MDH1B: variants seen among roughly 807,000 people sequenced by gnomAD.
MDH1B encodes malate dehydrogenase 1B.
MDH1B carries 60 observed loss-of-function variants against 61.4 expected under a neutral mutation model. That is an observed-to-expected ratio of 0.98 (90% CI 0.79 to 1.21). MDH1B has a LOEUF of 1.21. Among genes scored for constraint, MDH1B ranks in the 50% most tolerant of loss-of-function variants. The pLI is 0.00. For synonymous variants in MDH1B, 236 were observed against 218.7 expected, an observed-to-expected ratio of 1.08 and a Z score of -0.70; for missense variants, 587 against 632.1, an observed-to-expected ratio of 0.93 and a Z score of 0.76.
chr2:206,739,690 T>C (rs1273107976), intron 10 of MDH1B, 29 bp from the exon 11 acceptor site: 2 of 1,604,664 alleles, frequency 1.2e-6, no homozygotes, highest in Admixed American at 3.3e-5. Context: ...GAATAGTTTT[T>C]AGTATGTAAA....
intron 1 of MDH1B, among the ~76,000 whole-genome samples, chr2:206,762,652 T>TC (rs1689169891): frequency 6.6e-6 from 1 of 152,186 alleles, no homozygotes; most frequent in African/African-American, 2.4e-5. Context: ...TTGAAAGAGT[T>TC]CCCTATATTT....
intron 9 of MDH1B, among the ~76,000 whole-genome samples, chr2:206,742,437 A>G (rs1487126917): frequency 6.6e-6 from 1 of 152,210 alleles, no homozygotes; most frequent in Non-Finnish European, 1.5e-5. Flanking sequence ...CATACCCAGT[A>G]GTGGCAACAT....
intron 5 of MDH1B, among the ~76,000 whole-genome samples, chr2:206,753,950 G>A (rs1352498831): frequency 1.3e-5 from 2 of 150,716 alleles, no homozygotes; most frequent in Non-Finnish European, 2.9e-5. Context: ...TAGACTTTCT[G>A]AGATAAGTCA....
At chr2:206,761,069 G>C (rs1197515023) in intron 1 of MDH1B, 56 bp from the exon 2 acceptor site, 1 of 920,380 alleles carries the variant, frequency 1.1e-6, no homozygotes, top group Non-Finnish European at 1.7e-6. Context: ...TTATTATGTA[G>C]TTCTAAGTAT....
chr2:206,739,612 C>T lies in MDH1B; in HGVS notation c.1509G>A (p.Gln503=). The T allele has an allele frequency of 6.2e-7, 1 of 1,614,020 alleles. No individual in the cohort carries two copies. The highest frequency in any genetic ancestry group is 1.1e-5 in the South Asian group (1 of 91,076). ...ACCTACCATTTAGGAACTCAAGACT[C>T]TGTGGCTTTTCAAAGGTGGTTTGAG... is the stretch of plus-strand genomic sequence containing the variant. The part of the protein sequence containing the change: ...QIPQTTFEKP[Q]SLEFLNEFEG... The change falls in exon 11 of 12, where the codon CAG becomes CAA. Residue 503 remains glutamine (Q), a synonymous_variant. Coordinates refer to ENST00000374412, the MANE Select transcript of MDH1B (RefSeq NM_001039845.3).
Position 206,757,261 on chromosome 2 carries a change from A to C in MDH1B, c.246T>G (p.Tyr82Ter). Residue 82 changes from tyrosine (Y) to a stop codon, truncating the protein, a stop_gained, in exon 3 of 12, where the codon TAT becomes TAG. Transcript: ENST00000374412. LOFTEE classifies it high-confidence loss of function. ...CCTGAGCATGCTCCAGGAACTCATT[A>C]TATCCTCCCAAAAGCAAACCCTTTC... Reference protein sequence around the residue: ...RGGKGLLLGGYNEFLEHAQLY... With the variant: ...RGGKGLLLGG 2 of 1,613,938 alleles carry C rather than the reference A, an allele frequency of 1.2e-6. No homozygotes were observed. The highest frequency in any genetic ancestry group is 8.5e-7 in the Non-Finnish European group (1 of 1,179,840).
chr2:206,744,681 C>T (rs1202718997), intron 9 of MDH1B, among the ~76,000 whole-genome samples: 1 of 151,850 alleles, frequency 6.6e-6, no homozygotes, highest in East Asian at 1.9e-4. Flanking sequence ...AATCTCATCA[C>T]TTTGGGAGGC....
chr2:206,744,607 T>C (rs1323717855), intron 9 of MDH1B, among the ~76,000 whole-genome samples: 1 of 152,042 alleles, frequency 6.6e-6, no homozygotes, highest in African/African-American at 2.4e-5. Context: ...TCTGGTGTTG[T>C]GAGTTGAATT....
intron 2 of MDH1B, among the ~76,000 whole-genome samples, chr2:206,759,948 C>T (rs1216228552): frequency 6.6e-6 from 1 of 152,212 alleles, no homozygotes; most frequent in African/African-American, 2.4e-5. Context: ...AAGGTGATGA[C>T]TGTCAGTTTG....
At chr2:206,741,907 C>A (rs1283374956) in intron 9 of MDH1B, among the ~76,000 whole-genome samples, 1 of 152,122 alleles carries the variant, frequency 6.6e-6, no homozygotes, top group African/African-American at 2.4e-5. Flanking sequence ...ATGGAGAACA[C>A]TGATAGTCCT....
intron 9 of MDH1B, 21 bp downstream of exon 9, chr2:206,745,601 A>T (rs1688057265): frequency 6.3e-7 from 1 of 1,583,716 alleles, no homozygotes; most frequent in Non-Finnish European, 8.6e-7. Context: ...GTCCAATAAA[A>T]CATCACGTCT....
chr2:206,758,375 A>G (rs1688885015), intron 2 of MDH1B, among the ~76,000 whole-genome samples: 1 of 152,196 alleles, frequency 6.6e-6, no homozygotes, highest in Non-Finnish European at 1.5e-5. Context: ...GAAGACAGGG[A>G]CAACATGTTG....
intron 5 of MDH1B, among the ~76,000 whole-genome samples, chr2:206,754,740 G>A (rs1048883244): frequency 3.3e-5 from 5 of 152,058 alleles, no homozygotes; most frequent in Admixed American, 6.5e-5. Context: ...AATGGAATAC[G>A]ATGTGTCACA....
In MDH1B at chr2:206,765,292, C is replaced by G. The variant is rs374229492; in HGVS notation, c.-21G>C. On this transcript the variant is annotated 5_prime_UTR_variant, in exon 1 of 12. Coordinates refer to ENST00000374412, the MANE Select transcript of MDH1B (RefSeq NM_001039845.3). ...GCCATGGTCGAGAGAGACTCAGAGG[C>G]AGGGACCGCGGCTTCGCGGTTTCCT... 1 of 1,589,530 alleles carries G rather than the reference C, an allele frequency of 6.3e-7. No homozygotes were observed. The highest frequency in any genetic ancestry group is 8.5e-7 in the Non-Finnish European group (1 of 1,171,712).
chr2:206,758,287 G>A (rs1299392340), intron 2 of MDH1B, among the ~76,000 whole-genome samples: 1 of 152,226 alleles, frequency 6.6e-6, no homozygotes, highest in Non-Finnish European at 1.5e-5. Context: ...AGTGGAACAT[G>A]AAGTTAGACA....
chr2:206,759,634 G>A (rs11888576), intron 2 of MDH1B, among the ~76,000 whole-genome samples: 2 of 151,972 alleles, frequency 1.3e-5, no homozygotes, highest in Admixed American at 6.5e-5. Flanking sequence ...TCATTCTGAC[G>A]GGTATGAGAT....
In MDH1B at chr2:206,746,344, G is replaced by C. The variant is rs1187269359; in HGVS notation, c.1299C>G (p.Leu433=). The C allele has an allele frequency of 3.1e-6, 5 of 1,613,638 alleles. No individual in the cohort carries two copies. Among genetic ancestry groups the C allele is most frequent in the African/African-American group, 2.7e-5 (2 of 74,852 alleles). Reference sequence around the variant, plus strand: ...TTTGTTCACTTATTTCAACATCTTTGAGATCTGTAAGAACCACCCAAGTTC... The same window carrying C: ...TTTGTTCACTTATTTCAACATCTTTCAGATCTGTAAGAACCACCCAAGTTC... ...ENGTWVVLTD[L]KDVEISEQIM... The change falls in exon 8 of 12, where the codon CTC becomes CTG. Residue 433 remains leucine, a synonymous_variant. Coordinates refer to ENST00000374412, the MANE Select transcript of MDH1B (RefSeq NM_001039845.3).
Position 206,758,106 on chromosome 2 carries a change from T to C in MDH1B, c.136-735A>G, listed in dbSNP as rs546068390. ...AAAGCAAACAATGCTGCTATGAGGA[T>C]TCCAACACGGTCCCTCTAGCCACAG... On this transcript the variant is annotated intron_variant, in intron 2 of 11. Transcript: ENST00000374412. Among the ~76,000 whole-genome samples, 9 of 152,288 alleles carry C rather than the reference T, an allele frequency of 5.9e-5. No individual in the cohort carries two copies. The South Asian group carries it at 1.9e-3, about 32-fold the overall frequency.
chr2:206,747,776 T>C (rs577740824), intron 7 of MDH1B, among the ~76,000 whole-genome samples: 1 of 152,312 alleles, frequency 6.6e-6, no homozygotes, highest in East Asian at 1.9e-4. Context: ...GAGATTTCCT[T>C]AACCTGTACT....
Sources: allele counts gnomAD v4.1 joint callset (sites outside exome capture counted in the v4.1 genomes callset), GRCh38; gene constraint gnomAD v4.1.1; transcripts MANE v1.5; gene names NCBI Gene and HGNC (gene_info 2026-07-23, HGNC 2026-07-21).